Variants in RAB31 observed in about 807,000 individuals in gnomAD.
RAB31 encodes the protein RAB31, member RAS oncogene family, also known as ras-related protein Rab-31.
In RAB31, 21 loss-of-function variants were observed where a neutral mutation model predicts 25.6. That is an observed-to-expected ratio of 0.82 (90% CI 0.58 to 1.18). RAB31 has a LOEUF of 1.18. Among genes scored for constraint, RAB31 ranks in the 50% most tolerant of loss-of-function variants. The probability of loss-of-function intolerance (pLI) is 0.00; values close to 1 mark genes in which losing one functional copy is unlikely to be tolerated. For missense variants in RAB31, 196 were observed against 250.1 expected (o/e 0.78, Z 1.46); for synonymous variants, 87 against 84.0 (o/e 1.04, Z -0.20).
chr18:9,800,007 G>C (rs1016686862), intron 3 of RAB31, among the ~76,000 whole-genome samples: 1 of 152,148 alleles, frequency 6.6e-6, no homozygotes, highest in Admixed American at 6.5e-5. Flanking sequence ...ACCAAGCTGT[G>C]AACAGTACAG....
chr18:9,840,233 A>G (rs767300), intron 5 of RAB31, among the ~76,000 whole-genome samples: 97,643 of 152,110 alleles, frequency 0.64, 31,745 homozygotes, highest in South Asian at 0.78. Flanking sequence ...CTGCATATAG[A>G]TTGGTCTAGA....
chr18:9,856,916 G>A (rs1911241440), intron 6 of RAB31, among the ~76,000 whole-genome samples: 1 of 152,142 alleles, frequency 6.6e-6, no homozygotes, highest in African/African-American at 2.4e-5. Context: ...AGTCATTGGA[G>A]ACTTCCTTCT....
rs2068836428 is a variant in RAB31, at chr18:9,859,457, G to A, written c.*132G>A. 1 of 705,846 alleles carries A rather than the reference G, an allele frequency of 1.4e-6. No individual in the cohort carries two copies. Among genetic ancestry groups the A allele is most frequent in the Non-Finnish European group, 2.3e-6 (1 of 436,964 alleles). 43.7% of individuals were successfully genotyped at this position (705,846 alleles called of 1,614,324 possible). ...AGCACACTGGCTTTGCATCCTGGAA[G>A]ACCTGCAGGGGGCGGGGCAGGAAAT... is the stretch of plus-strand genomic sequence containing the variant. On this transcript the variant is annotated 3_prime_UTR_variant, in exon 7 of 7. Transcript: ENST00000578921.
At chr18:9,855,793 A>G (rs1275335378) in intron 6 of RAB31, among the ~76,000 whole-genome samples, 1 of 152,028 alleles carries the variant, frequency 6.6e-6, no homozygotes, top group African/African-American at 2.4e-5. Flanking sequence ...AGTTTTGTAG[A>G]TGAGATGGGT....
Position 9,708,685 on chromosome 18 carries a change from G to A in RAB31, c.39+241G>A, listed in dbSNP as rs2145448849. Reference sequence around the variant, plus strand: ...CACCCCGCCTGTTCTCCGCCTCCCCGCCGTCCGTGCGCCCCTCTGGTCCGC... The same window carrying A: ...CACCCCGCCTGTTCTCCGCCTCCCCACCGTCCGTGCGCCCCTCTGGTCCGC... On this transcript the variant is annotated intron_variant, in intron 1 of 6. Transcript: ENST00000578921. The surrounding 1 kb of genome is among the most constrained non-coding windows in gnomAD (Gnocchi z 6.4). Among the ~76,000 whole-genome samples the A allele has an allele frequency of 6.6e-6, 1 of 150,752 alleles. No individual in the cohort carries two copies. The highest frequency in any genetic ancestry group is 2.0e-4 in the East Asian group (1 of 5,072).
rs899226525 is a variant in RAB31 at position 9,741,150 on chromosome 18, C to T, written c.39+32706C>T. On this transcript the variant is annotated intron_variant, in intron 1 of 6. Transcript: ENST00000578921. ...CAGCACTTTGGAAGGCCGAGGTGGG[C>T]GGATCACTTGAGGTCAGGAGTTCGA... is the stretch of plus-strand genomic sequence containing the variant. Among the ~76,000 whole-genome samples, 5 of 151,670 alleles carry T rather than the reference C, an allele frequency of 3.3e-5. No individual in the cohort carries two copies. The South Asian group carries it at 8.4e-4, about 25-fold the overall frequency.
At chr18:9,730,986 G>C in intron 1 of RAB31, among the ~76,000 whole-genome samples, 1 of 152,230 alleles carries the variant, frequency 6.6e-6, no homozygotes, top group South Asian at 2.1e-4. Context: ...AGTTTTGAGA[G>C]TTCCATGTGA....
intron 2 of RAB31, among the ~76,000 whole-genome samples, chr18:9,783,620 GA>G (rs1271301687): frequency 6.6e-6 from 1 of 151,980 alleles, no homozygotes; most frequent in African/African-American, 2.4e-5. Context: ...TGAGTTTATG[GA>G]AAAAATCTAG....
intron 1 of RAB31, among the ~76,000 whole-genome samples, chr18:9,713,971 A>C (rs1425336472): frequency 2.0e-5 from 3 of 152,174 alleles, no homozygotes; most frequent in Non-Finnish European, 4.4e-5. Context: ...CCCACCTCCT[A>C]ATATCCTCAC....
chr18:9,798,548 TAAAC>T lies in RAB31; in HGVS notation c.201+6320_201+6323del, dbSNP rs377333219. 5.8e-3 allele frequency among the ~76,000 whole-genome samples: 880 copies of T among 152,338 alleles called. 8 individuals carry two copies. The highest frequency in any genetic ancestry group is 0.02 in the African/African-American group (834 of 41,568). The stretch of plus-strand genomic sequence containing the variant: ...ATTGTTCTTTTAGTTTTCATAATTT[TAAAC>T]AAACAATCACTTTGGGTTTATGATT... On this transcript the variant is annotated intron_variant, in intron 3 of 6. Transcript: ENST00000578921.
intron 1 of RAB31, among the ~76,000 whole-genome samples, chr18:9,765,240 C>T (rs921849451): frequency 1.3e-5 from 2 of 152,214 alleles, no homozygotes; most frequent in African/African-American, 4.8e-5. Context: ...AGGTGCGAGC[C>T]ACCACACCCG....
chr18:9,829,320 GTA>G (rs2068665788), intron 5 of RAB31, among the ~76,000 whole-genome samples: 1 of 152,202 alleles, frequency 6.6e-6, no homozygotes, highest in Non-Finnish European at 1.5e-5. Context: ...GAATGAGACT[GTA>G]TGTGTCACGT....
intron 1 of RAB31, among the ~76,000 whole-genome samples, chr18:9,765,966 T>G (rs2068313961): frequency 1.0e-4 from 14 of 134,378 alleles, no homozygotes; most frequent in Non-Finnish European, 1.1e-4. Context: ...TGGGGGAGAG[T>G]GGGTGGGAGG....
At chr18:9,790,716 A>C (rs1315443659) in intron 2 of RAB31, among the ~76,000 whole-genome samples, 1 of 152,250 alleles carries the variant, frequency 6.6e-6, no homozygotes, top group African/African-American at 2.4e-5. Flanking sequence ...CTTGTCTTAC[A>C]GAATGTTTCA....
chr18:9,802,387 GAGTT>G (rs1473423362), intron 3 of RAB31, among the ~76,000 whole-genome samples: 1 of 152,172 alleles, frequency 6.6e-6, no homozygotes, highest in Admixed American at 6.5e-5. Flanking sequence ...TTTGAATAAA[GAGTT>G]AGGTCAGGCA....
At chr18:9,819,180 ATATT>A (rs1202899897) in intron 5 of RAB31, among the ~76,000 whole-genome samples, 1 of 152,130 alleles carries the variant, frequency 6.6e-6, no homozygotes, top group Non-Finnish European at 1.5e-5. Context: ...AACATCACAA[ATATT>A]TATTAATGTT....
At chr18:9,842,290 C>T (rs2068738493) in intron 5 of RAB31, among the ~76,000 whole-genome samples, 2 of 152,118 alleles carry the variant, frequency 1.3e-5, no homozygotes, top group South Asian at 4.1e-4. Flanking sequence ...AAGATTCAAC[C>T]CTCTAACCAT....
chr18:9,817,869 A>G (rs1170242161), intron 5 of RAB31, among the ~76,000 whole-genome samples: 3 of 152,252 alleles, frequency 2.0e-5, no homozygotes, highest in African/African-American at 4.8e-5. Flanking sequence ...CCGTGAATTT[A>G]CTCACAGCCT....
intron 2 of RAB31, among the ~76,000 whole-genome samples, chr18:9,783,773 G>A (rs1489886133): frequency 6.6e-6 from 1 of 152,194 alleles, no homozygotes; most frequent in Non-Finnish European, 1.5e-5. Flanking sequence ...TCATGAACTT[G>A]AGAAAAATTC....
Sources: gnomAD v4.1 joint callset for allele counts (sites outside exome capture counted in the v4.1 genomes callset) on GRCh38, gnomAD v4.1.1 for gene constraint, Gnocchi (gnomAD v3.1) non-coding constraint, MANE v1.5 for transcripts, NCBI Gene and HGNC (gene_info 2026-07-23, HGNC 2026-07-21) for gene names.